Variants in XYLT1 observed in about 807,000 individuals in gnomAD.
XYLT1 encodes the protein beta-D-xylosyltransferase 1.
In XYLT1, 36 loss-of-function variants were observed where a neutral mutation model predicts 91.3. That is an observed-to-expected ratio of 0.39 (90% CI 0.30 to 0.52). The LOEUF (loss-of-function observed/expected upper bound fraction) is 0.52, where lower values mean the gene tolerates loss of function less well. Ranked by LOEUF, XYLT1 falls within the 20% of genes least tolerant of loss-of-function variation. The pLI, the probability that XYLT1 is intolerant of heterozygous loss-of-function variation, is 0.68. For synonymous variants in XYLT1, 588 were observed against 532.0 expected (o/e 1.11, Z -1.45); for missense variants, 1,242 against 1,284.5 (o/e 0.97, Z 0.51).
chr16:17,114,068 G>T (rs760912638), intron 11 of XYLT1, among the ~76,000 whole-genome samples: 1 of 151,710 alleles, frequency 6.6e-6, no homozygotes, highest in East Asian at 1.9e-4. Flanking sequence ...ATGCCATGGG[G>T]ACAGATTCAT....
At chr16:17,398,293 G>C (rs1264370163) in intron 1 of XYLT1, among the ~76,000 whole-genome samples, 1 of 152,182 alleles carries the variant, frequency 6.6e-6, no homozygotes, top group Non-Finnish European at 1.5e-5. Context: ...GACAAAGAAA[G>C]AGGCCCAGCT....
chr16:17,363,037 T>A (rs1206607381), intron 1 of XYLT1, among the ~76,000 whole-genome samples: 1 of 152,168 alleles, frequency 6.6e-6, no homozygotes, highest in Non-Finnish European at 1.5e-5. Flanking sequence ...AAAGATGGTG[T>A]CTCACTGTCA....
At chr16:17,372,391 A>G (rs1488086974) in intron 1 of XYLT1, among the ~76,000 whole-genome samples, 1 of 152,250 alleles carries the variant, frequency 6.6e-6, no homozygotes, top group African/African-American at 2.4e-5. Context: ...CAGCAGGTAC[A>G]GTAAACTACT....
intron 2 of XYLT1, among the ~76,000 whole-genome samples, chr16:17,281,414 G>A (rs1269534116): frequency 6.6e-6 from 1 of 152,222 alleles, no homozygotes. Flanking sequence ...TGTAAACTGA[G>A]TGTGCTGGGT....
chr16:17,452,462 A>G (rs2036679721), intron 1 of XYLT1, among the ~76,000 whole-genome samples: 1 of 151,914 alleles, frequency 6.6e-6, no homozygotes, highest in South Asian at 2.1e-4. Context: ...ATGGACTTTT[A>G]TTTTAATTAT....
intron 2 of XYLT1, among the ~76,000 whole-genome samples, chr16:17,327,361 C>CTTTTT (rs138879762): frequency 1.9e-5 from 2 of 108,074 alleles, no homozygotes; most frequent in African/African-American, 3.5e-5. Flanking sequence ...TTTCTTTTTT[C>CTTTTT]TTTTTTTTTT....
At chr16:17,145,358 A>T (rs2031104981) in intron 6 of XYLT1, among the ~76,000 whole-genome samples, 1 of 152,196 alleles carries the variant, frequency 6.6e-6, no homozygotes, top group South Asian at 2.1e-4. Flanking sequence ...GGATCAGAGC[A>T]TCCCATCTGT....
At chr16:17,310,500 G>A (rs1207142712) in intron 2 of XYLT1, among the ~76,000 whole-genome samples, 1 of 152,112 alleles carries the variant, frequency 6.6e-6, no homozygotes, top group East Asian at 1.9e-4. Context: ...GCTCAATAAT[G>A]TGCCCTCCTC....
At chr16:17,402,864 T>C (rs888528772) in intron 1 of XYLT1, among the ~76,000 whole-genome samples, 2 of 152,014 alleles carry the variant, frequency 1.3e-5, no homozygotes, top group African/African-American at 2.4e-5. Context: ...TTCAGCTTCC[T>C]GGAAAGCTGG....
At chr16:17,149,485 A>G in intron 6 of XYLT1, among the ~76,000 whole-genome samples, 1 of 152,318 alleles carries the variant, frequency 6.6e-6, no homozygotes, top group South Asian at 2.1e-4. Context: ...CCTGTCTGGT[A>G]ATCTGTCATT....
intron 2 of XYLT1, among the ~76,000 whole-genome samples, chr16:17,305,044 G>A (rs569904840): frequency 6.6e-6 from 1 of 152,258 alleles, no homozygotes; most frequent in African/African-American, 2.4e-5. Context: ...GGTGCCCACT[G>A]TGGGCCGGGG....
At chr16:17,237,611 C>T (rs1417550571) in intron 3 of XYLT1, among the ~76,000 whole-genome samples, 4 of 152,170 alleles carry the variant, frequency 2.6e-5, no homozygotes, top group Non-Finnish European at 4.4e-5. Flanking sequence ...TCCTGAGAGA[C>T]GCAGCGGTGT....
At chr16:17,318,991 T>C (rs190588949) in intron 2 of XYLT1, among the ~76,000 whole-genome samples, 121 of 152,180 alleles carry the variant, frequency 8.0e-4, no homozygotes, top group African/African-American at 2.8e-3. Context: ...TTTCACCATG[T>C]TGGCCTGGCT....
chr16:17,350,382 G>A (rs186567050), intron 2 of XYLT1, among the ~76,000 whole-genome samples: 6 of 152,342 alleles, frequency 3.9e-5, no homozygotes, highest in Admixed American at 3.3e-4. Flanking sequence ...ATACAGACTA[G>A]AGAAGATCCC....
intron 1 of XYLT1, among the ~76,000 whole-genome samples, chr16:17,380,825 G>A (rs1455133818): frequency 6.6e-6 from 1 of 152,190 alleles, no homozygotes; most frequent in East Asian, 1.9e-4. Flanking sequence ...CCTTAAAAAG[G>A]AAGGAAATTC....
intron 3 of XYLT1, among the ~76,000 whole-genome samples, chr16:17,209,793 G>A (rs907618696): frequency 6.6e-6 from 1 of 152,218 alleles, no homozygotes; most frequent in Non-Finnish European, 1.5e-5. Flanking sequence ...GTGTGACTCC[G>A]CGGACCTCGC....
intron 5 of XYLT1, 76 bp downstream of exon 5, chr16:17,198,136 C>T: frequency 6.7e-7 from 1 of 1,500,134 alleles, no homozygotes; most frequent in Non-Finnish European, 9.2e-7. Flanking sequence ...TCTCCTTCTG[C>T]CTCGTGAGTT....
chr16:17,347,952 C>T (rs1325709303), intron 2 of XYLT1, among the ~76,000 whole-genome samples: 1 of 152,078 alleles, frequency 6.6e-6, no homozygotes, highest in Non-Finnish European at 1.5e-5. Flanking sequence ...GAGGGCAGCC[C>T]CACAGCAGCT....
chr16:17,216,935 C>T (rs1341928754), intron 3 of XYLT1, among the ~76,000 whole-genome samples: 2 of 152,204 alleles, frequency 1.3e-5, no homozygotes, highest in African/African-American at 4.8e-5. Context: ...ATAGTCAACA[C>T]AACATTTGGT....
Sources: allele counts gnomAD v4.1 joint callset (sites outside exome capture counted in the v4.1 genomes callset), GRCh38; gene constraint gnomAD v4.1.1; transcripts MANE v1.5; gene names NCBI Gene and HGNC (gene_info 2026-07-23, HGNC 2026-07-21).